The following ZFPM2 variants were observed in gnomAD, a reference collection of about 807,000 sequenced individuals.
ZFPM2 encodes zinc finger protein, FOG family member 2.
In ZFPM2, 20 loss-of-function variants were observed where a neutral mutation model predicts 98.6. The ratio of observed to expected loss-of-function variants is 0.20; its 90% CI spans 0.14 to 0.29. The LOEUF (loss-of-function observed/expected upper bound fraction) is 0.29, where lower values mean the gene tolerates loss of function less well. Among genes scored for constraint, ZFPM2 ranks in the 10% least tolerant of loss-of-function variants. The probability of loss-of-function intolerance (pLI) is 1.00; values close to 1 mark genes in which losing one functional copy is unlikely to be tolerated. For missense variants in ZFPM2, 1,310 were observed against 1,388.6 expected (o/e 0.94, Z 0.90); for synonymous variants, 518 against 502.7 (o/e 1.03, Z -0.41).
chr8:105,776,853 T>C (rs768303701), intron 5 of ZFPM2, among the ~76,000 whole-genome samples: 51 of 152,200 alleles, frequency 3.4e-4, no homozygotes, highest in Admixed American at 8.5e-4. Context: ...CTATAAAATA[T>C]TGACATAATA....
intron 3 of ZFPM2, among the ~76,000 whole-genome samples, chr8:105,497,071 C>T (rs1202957789): frequency 1.3e-5 from 2 of 151,568 alleles, no homozygotes; most frequent in African/African-American, 4.8e-5. Flanking sequence ...CTGTGAGCTC[C>T]GCCTCCAGGG....
At chr8:105,707,254 A>AAC (rs1554574683) in intron 5 of ZFPM2, among the ~76,000 whole-genome samples, 5 of 147,208 alleles carry the variant, frequency 3.4e-5, no homozygotes, top group African/African-American at 1.2e-4. Flanking sequence ...AAAAAAAAAA[A>AAC]AGAAAAAGAA....
chr8:105,683,752 G>A (rs1396738757), intron 5 of ZFPM2, among the ~76,000 whole-genome samples: 1 of 152,070 alleles, frequency 6.6e-6, no homozygotes. Context: ...AATTTTTCCA[G>A]GTTGAATTAG....
At chr8:105,478,515 G>C (rs1214163789) in intron 3 of ZFPM2, among the ~76,000 whole-genome samples, 3 of 152,128 alleles carry the variant, frequency 2.0e-5, no homozygotes, top group Non-Finnish European at 4.4e-5. Context: ...ATCTCCTAAT[G>C]GTCCTGATTC....
chr8:105,360,614 C>A (rs532116208), intron 1 of ZFPM2, among the ~76,000 whole-genome samples: 1 of 124,530 alleles, frequency 8.0e-6, no homozygotes, highest in African/African-American at 3.0e-5. Flanking sequence ...CCAGTGCTAT[C>A]CCTCCCCCCT....
intron 5 of ZFPM2, among the ~76,000 whole-genome samples, chr8:105,638,698 C>T (rs988896973): frequency 1.3e-5 from 2 of 152,002 alleles, no homozygotes; most frequent in African/African-American, 4.8e-5. Flanking sequence ...CTATTACCAT[C>T]TAGGAGGCAT....
intron 5 of ZFPM2, among the ~76,000 whole-genome samples, chr8:105,650,503 G>C (rs1163301492): frequency 1.3e-5 from 2 of 152,082 alleles, no homozygotes; most frequent in Non-Finnish European, 2.9e-5. Context: ...TGCTTTCTCT[G>C]ATGGGCATTT....
At chr8:105,327,944 C>A (rs918840079) in intron 1 of ZFPM2, among the ~76,000 whole-genome samples, 3 of 151,608 alleles carry the variant, frequency 2.0e-5, no homozygotes, top group South Asian at 2.1e-4. Flanking sequence ...CCTTCATGCT[C>A]CTTGTGTGTG....
intron 5 of ZFPM2, among the ~76,000 whole-genome samples, chr8:105,672,660 CA>C: frequency 6.6e-6 from 1 of 152,110 alleles, no homozygotes; most frequent in East Asian, 1.9e-4. Context: ...TGCCTTATTA[CA>C]ATGGCTAGAA....
In ZFPM2 at chr8:105,801,459, A is replaced by G. The variant is rs1563573295; in HGVS notation, c.1377A>G (p.Thr459=). ...LTNQRPEIQP[T]TNKQSFSYTK... ...ACCAGAGACCAGAGATACAGCCTAC[A>G]ACAAATAAACAAAGCTTTTCTTACA... Residue 459 remains threonine (T), a synonymous_variant, in exon 8 of 8, where the codon ACA becomes ACG. Coordinates refer to ENST00000407775, the MANE Select transcript of ZFPM2 (RefSeq NM_012082.4). The G allele has an allele frequency of 1.9e-6, 3 of 1,613,918 alleles. No homozygotes were observed. Among genetic ancestry groups the G allele is most frequent in the Non-Finnish European group, 8.5e-7 (1 of 1,179,866 alleles).
chr8:105,552,956 C>T (rs1230982266), intron 3 of ZFPM2, among the ~76,000 whole-genome samples: 1 of 151,444 alleles, frequency 6.6e-6, no homozygotes, highest in Non-Finnish European at 1.5e-5. Context: ...ACTACAAGCT[C>T]ATGCCACCAC....
intron 2 of ZFPM2, among the ~76,000 whole-genome samples, chr8:105,426,553 C>A (rs1811916089): frequency 6.6e-6 from 1 of 152,078 alleles, no homozygotes; most frequent in Non-Finnish European, 1.5e-5. Flanking sequence ...AGTACTTCTT[C>A]TTTTTCTTGA....
At chr8:105,595,600 G>C (rs1321834905) in intron 4 of ZFPM2, among the ~76,000 whole-genome samples, 1 of 152,190 alleles carries the variant, frequency 6.6e-6, no homozygotes, top group South Asian at 2.1e-4. Context: ...ATGAAACAAA[G>C]AAGTGTTTGG....
intron 5 of ZFPM2, among the ~76,000 whole-genome samples, chr8:105,671,516 A>G (rs115712289): frequency 0.012 from 1,787 of 152,050 alleles, 30 homozygotes; most frequent in African/African-American, 0.04. Flanking sequence ...AATTTTCTTT[A>G]CTGAAATTTT....
At chr8:105,620,338 G>A (rs62527255) in intron 4 of ZFPM2, among the ~76,000 whole-genome samples, 12,480 of 152,148 alleles carry the variant, frequency 0.082, 512 homozygotes, top group African/African-American at 0.1. Flanking sequence ...TTCTTTTGAG[G>A]AGTGTCTGTT....
intron 3 of ZFPM2, among the ~76,000 whole-genome samples, chr8:105,478,687 G>T (rs539186563): frequency 6.6e-6 from 1 of 152,288 alleles, no homozygotes; most frequent in Admixed American, 6.5e-5. Context: ...CTATAGATTT[G>T]CAAGTCTCTT....
intron 4 of ZFPM2, among the ~76,000 whole-genome samples, chr8:105,583,123 C>T (rs1407154441): frequency 6.6e-6 from 1 of 152,090 alleles, no homozygotes; most frequent in African/African-American, 2.4e-5. Flanking sequence ...TGAAGCCAGT[C>T]TCTTTATTCC....
At chr8:105,458,912 CAATA>C (rs1244001506) in intron 3 of ZFPM2, among the ~76,000 whole-genome samples, 1 of 151,252 alleles carries the variant, frequency 6.6e-6, no homozygotes, top group Non-Finnish European at 1.5e-5. Flanking sequence ...TGCCATTAAA[CAATA>C]ATTATAGTAA....
chr8:105,411,396 G>A (rs1385617725), intron 1 of ZFPM2, among the ~76,000 whole-genome samples: 2 of 151,726 alleles, frequency 1.3e-5, no homozygotes, highest in Admixed American at 1.3e-4. Context: ...TTGGGCTGGG[G>A]CCATCTTATC....
Sources: gnomAD v4.1 joint callset for allele counts (sites outside exome capture counted in the v4.1 genomes callset) on GRCh38, gnomAD v4.1.1 for gene constraint, MANE v1.5 for transcripts, NCBI Gene and HGNC (gene_info 2026-07-23, HGNC 2026-07-21) for gene names.